The following NECAP2 variants were observed in gnomAD, a reference collection of about 807,000 sequenced individuals.
NECAP2 encodes the protein adaptin ear-binding coat-associated protein 2.
A neutral mutation model predicts 37.8 loss-of-function variants in NECAP2; 38 were observed. The observed-to-expected ratio is 1.01, with a 90% CI of 0.78 to 1.32. The LOEUF (loss-of-function observed/expected upper bound fraction) is 1.32. NECAP2 is among the 40% of genes most tolerant of loss of function. The pLI is 0.00. For missense variants in NECAP2, 316 were observed against 334.5 expected, an observed-to-expected ratio of 0.94 and a Z score of 0.43; for synonymous variants, 121 against 127.7, an observed-to-expected ratio of 0.95 and a Z score of 0.35.
chr1:16,453,004 C>A (rs1019952045), intron 6 of NECAP2, among the ~76,000 whole-genome samples: 1 of 152,016 alleles, frequency 6.6e-6, no homozygotes, highest in South Asian at 2.1e-4. Context: ...AGCCCCGGCC[C>A]GGTACCAGGA....
At position 16,459,193 on chromosome 1, in the gene NECAP2, T is replaced by C; in HGVS notation, c.*303T>C. The C allele has an allele frequency of 2.1e-6, 1 of 477,790 alleles. No individual in the cohort carries two copies. Among genetic ancestry groups the C allele is most frequent in the Non-Finnish European group, 3.6e-6 (1 of 275,364 alleles). 29.6% of individuals were successfully genotyped at this position (477,790 alleles called of 1,614,324 possible). A position where few individuals can be genotyped will look rare whatever the true frequency, so the allele number is the denominator to read the frequency against. On this transcript the variant is annotated 3_prime_UTR_variant, in exon 8 of 8. Transcript: ENST00000337132. ...AGACTTCTTCCATCGCAATGACCTG[T>C]ATTAAACACAAGCCCCCCAAGCAAA...
intron 6 of NECAP2, 83 bp downstream of exon 6, chr1:16,452,098 C>A: frequency 1.5e-6 from 2 of 1,364,334 alleles, no homozygotes; most frequent in Non-Finnish European, 2.0e-6. Flanking sequence ...GTTTCCCCCC[C>A]GTTACACACA....
intron 4 of NECAP2, chr1:16,448,446 A>G (rs1557687875): frequency 2.4e-6 from 1 of 409,616 alleles, no homozygotes; most frequent in South Asian, 2.8e-5. Context: ...CTGCTCCTCC[A>G]TGTAATCAAT....
chr1:16,455,386 G>C (rs2086901956), intron 6 of NECAP2: 1 of 177,972 alleles, frequency 5.6e-6, no homozygotes, highest in Non-Finnish European at 1.2e-5. Context: ...ATCCAGACAT[G>C]GTAGTGCAGG....
chr1:16,450,537 C>A, intron 5 of NECAP2: 1 of 156,568 alleles, frequency 6.4e-6, no homozygotes, highest in South Asian at 1.9e-4. Flanking sequence ...GTAACTTGTG[C>A]TGCTTTCTGG....
chr1:16,451,561 T>C (rs1255543530), intron 5 of NECAP2: 2 of 445,264 alleles, frequency 4.5e-6, no homozygotes, highest in East Asian at 8.4e-5. Context: ...TTAGCCATTC[T>C]GGTGAGCGTG....
rs2086989656 is a variant in NECAP2 at position 16,459,863 on chromosome 1, T to A, written c.*973T>A. The A allele has an allele frequency of 6.6e-6, 1 of 152,188 alleles. No individual in the cohort carries two copies. The highest frequency in any genetic ancestry group is 2.1e-4 in the South Asian group (1 of 4,836). 9.4% of individuals were successfully genotyped at this position (152,188 alleles called of 1,614,324 possible). A position where few individuals can be genotyped will look rare whatever the true frequency, so the allele number is the denominator to read the frequency against. On this transcript the variant is annotated 3_prime_UTR_variant, in exon 8 of 8. Transcript: ENST00000337132. ...TCTTTTCTCCTTCAGGAACTGTGAA[T>A]GGCTAGAAGAAGGAGCTCAGTAAAC...
chr1:16,446,902 A>C (rs1436330068), intron 2 of NECAP2, among the ~76,000 whole-genome samples: 1 of 151,966 alleles, frequency 6.6e-6, no homozygotes, highest in South Asian at 2.1e-4. Flanking sequence ...TCTACTAAAA[A>C]TACAAAAATT....
At chr1:16,455,649 C>A in intron 6 of NECAP2, 169 bp from the exon 7 acceptor site, 1 of 608,600 alleles carries the variant, frequency 1.6e-6, no homozygotes, top group Non-Finnish European at 3.0e-6. Context: ...TGTGGCAACT[C>A]AGGGTGTTTG....
intron 6 of NECAP2, among the ~76,000 whole-genome samples, chr1:16,455,161 C>T (rs1382774830): frequency 2.6e-5 from 4 of 152,226 alleles, no homozygotes; most frequent in African/African-American, 9.6e-5. Context: ...TGGAGGGTGG[C>T]AAACACAGGC....
At chr1:16,450,153 G>GC (rs1557689030) in intron 5 of NECAP2, 1 of 454,348 alleles carries the variant, frequency 2.2e-6, no homozygotes, top group Admixed American at 2.4e-5. Flanking sequence ...AGAGAGAAAT[G>GC]CAAGTCCAAT....
In NECAP2 at chr1:16,452,093, C is replaced by T; in HGVS notation, c.667+78C>T. ...CCTGGCAGCCAGGCCCCATGGTTTC[C>T]CCCCCGTTACACACATGGATTGGTC... On this transcript the variant is annotated intron_variant, in intron 6 of 7. Coordinates refer to ENST00000337132, the MANE Select transcript of NECAP2 (RefSeq NM_018090.5). The T allele has an allele frequency of 3.6e-6, 5 of 1,398,358 alleles. No homozygotes were observed. The South Asian group carries it at 5.5e-5, about 15-fold the overall frequency. 86.6% of individuals were successfully genotyped at this position (1,398,358 alleles called of 1,614,324 possible). A position where few individuals can be genotyped will look rare whatever the true frequency, so the allele number is the denominator to read the frequency against.
At position 16,459,830 on chromosome 1, in the gene NECAP2, A is replaced by C. The variant is rs1557695550; in HGVS notation, c.*940A>C. On this transcript the variant is annotated 3_prime_UTR_variant, in exon 8 of 8. Coordinates refer to ENST00000337132, the MANE Select transcript of NECAP2 (RefSeq NM_018090.5). ...GTGGTTTCTAAAGTGCCTTATCTGC[A>C]AACAACTTCTTTTCTCCTTCAGGAA... 6.6e-6 allele frequency: 1 copy of C among 152,218 alleles called. No individual in the cohort carries two copies. The highest frequency in any genetic ancestry group is 1.9e-4 in the East Asian group (1 of 5,196). 9.4% of individuals were successfully genotyped at this position (152,218 alleles called of 1,614,324 possible).
rs138426910 is a variant in NECAP2, at chr1:16,451,227, CATT to C, written c.490-610_490-608del. The C allele has an allele frequency of 9.7e-3, 1,479 of 152,376 alleles. 12 individuals are homozygous for C. Among genetic ancestry groups the C allele is most frequent in the Non-Finnish European group, 0.016 (1,089 of 68,122 alleles). 9.4% of individuals were successfully genotyped at this position (152,376 alleles called of 1,614,324 possible). A position where few individuals can be genotyped will look rare whatever the true frequency, so the allele number is the denominator to read the frequency against. On this transcript the variant is annotated intron_variant, in intron 5 of 7. Coordinates refer to ENST00000337132, the MANE Select transcript of NECAP2 (RefSeq NM_018090.5). ...GTGTTGCGTGTAGTTTGTTCATTCTCATTGTTGTGGCATGTACCATTGTGAGAA... is the reference window on the plus strand; with the variant it reads ...GTGTTGCGTGTAGTTTGTTCATTCTCGTTGTGGCATGTACCATTGTGAGAA...
intron 4 of NECAP2, 35 bp from the exon 5 acceptor site, chr1:16,449,058 C>A (rs1483978387): frequency 2.7e-6 from 4 of 1,460,752 alleles, no homozygotes; most frequent in Non-Finnish European, 3.8e-6. Flanking sequence ...CTGGTCTCTT[C>A]CTTCCTCACC....
Position 16,448,073 on chromosome 1 carries a change from T to G in NECAP2, c.312T>G (p.Phe104Leu). The G allele has an allele frequency of 6.2e-7, 1 of 1,614,180 alleles. No individual in the cohort carries two copies. Among genetic ancestry groups the G allele is most frequent in the Non-Finnish European group, 8.5e-7 (1 of 1,180,026 alleles). ...RIEDGNGRRAFIGIGFGDRGD... is the reference protein window; with the variant it reads ...RIEDGNGRRALIGIGFGDRGD... ...GTTGTTCCCCAGGGCGACGGGCGTT[T>G]ATTGGAATTGGCTTCGGGGACCGAG... The change falls in exon 4 of 8, where the codon TTT becomes TTG. Residue 104 changes from phenylalanine (F) to leucine (L), a missense_variant. Coordinates refer to ENST00000337132, the MANE Select transcript of NECAP2 (RefSeq NM_018090.5).
At chr1:16,450,062 C>T (rs2086818621) in intron 5 of NECAP2, 4 of 392,176 alleles carry the variant, frequency 1.0e-5, no homozygotes, top group Middle Eastern at 3.6e-4. Flanking sequence ...AATGCTTTTC[C>T]TCTTTACTTA....
intron 6 of NECAP2, 118 bp downstream of exon 6, chr1:16,452,133 C>T (rs749982341): frequency 2.8e-4 from 302 of 1,066,842 alleles, no homozygotes; most frequent in African/African-American, 1.4e-3. Context: ...AGTACCTGTC[C>T]GTGTCAAAGA....
Position 16,451,848 on chromosome 1 carries a change from AGAAG to A in NECAP2, c.507_510del (p.Gly170GlnfsTer15), listed in dbSNP as rs1473850180. 5 of 1,614,122 alleles carry A rather than the reference AGAAG, an allele frequency of 3.1e-6. No individual in the cohort carries two copies. The highest frequency in any genetic ancestry group is 4.2e-6 in the Non-Finnish European group (5 of 1,180,004). On this transcript the variant is annotated frameshift_variant, in exon 6 of 8. Coordinates refer to ENST00000337132, the MANE Select transcript of NECAP2 (RefSeq NM_018090.5). LOFTEE classifies it high-confidence loss of function. Reference sequence around the variant, plus strand: ...CTCTTCCCTCTTTAGAACATGAAGAAGAAGGAAGGAGCAGCTGGGAATCCCCGAG... The same window carrying A: ...CTCTTCCCTCTTTAGAACATGAAGAAGAAGGAGCAGCTGGGAATCCCCGAG...
Sources: gnomAD v4.1 joint callset for allele counts (sites outside exome capture counted in the v4.1 genomes callset) on GRCh38, gnomAD v4.1.1 for gene constraint, MANE v1.5 for transcripts, NCBI Gene and HGNC (gene_info 2026-07-23, HGNC 2026-07-21) for gene names.